Variants in KAZN observed in about 807,000 individuals in gnomAD.
The protein encoded by KAZN is kazrin.
Under a neutral mutation model 87.4 loss-of-function variants are expected in KAZN, and 40 were observed. The ratio of observed to expected loss-of-function variants is 0.46; its 90% CI spans 0.36 to 0.60. The LOEUF is 0.60. Ranked by LOEUF, KAZN falls within the 20% of genes least tolerant of loss-of-function variation. The pLI is 0.00. For synonymous variants in KAZN, 466 were observed against 458.3 expected, an observed-to-expected ratio of 1.02 and a Z score of -0.22; for missense variants, 898 against 1,073.9, an observed-to-expected ratio of 0.84 and a Z score of 2.29.
Position 14,399,348 on chromosome 1 carries a change from A to G in KAZN, c.250-199635A>G, listed in dbSNP as rs1663183817. On this transcript the variant is annotated intron_variant, in intron 2 of 16. Coordinates refer to the KAZN transcript ENST00000636203. ...TGTTTTGATAACAGCTAATTTGTTGATAAATTACTGCTCCTAAATAATCTA... is the reference window on the plus strand; with the variant it reads ...TGTTTTGATAACAGCTAATTTGTTGGTAAATTACTGCTCCTAAATAATCTA... Among the ~76,000 whole-genome samples, 3 of 152,132 alleles carry G rather than the reference A, an allele frequency of 2.0e-5. No individual in the cohort carries two copies. The South Asian group carries it at 6.2e-4, about 32-fold the overall frequency.
intron 1 of KAZN, among the ~76,000 whole-genome samples, chr1:14,916,226 G>C (rs1260108744): frequency 1.5e-5 from 2 of 136,038 alleles, no homozygotes; most frequent in East Asian, 4.5e-4. Flanking sequence ...CTGAAATGCA[G>C]TGGCATGATC....
At chr1:14,143,162 G>A (rs1252133009) in intron 1 of KAZN, among the ~76,000 whole-genome samples, 1 of 152,146 alleles carries the variant, frequency 6.6e-6, no homozygotes, top group South Asian at 2.1e-4. Flanking sequence ...GTTCCTAATT[G>A]TGATGCATCC....
At chr1:14,089,957 G>A (rs551132631) in intron 1 of KAZN, among the ~76,000 whole-genome samples, 183 of 151,484 alleles carry the variant, frequency 1.2e-3, no homozygotes, top group South Asian at 4.4e-3. Context: ...CTTACATAGC[G>A]TGTGATGAGA....
chr1:14,179,101 G>A (rs534016906), intron 1 of KAZN, among the ~76,000 whole-genome samples: 90 of 152,226 alleles, frequency 5.9e-4, no homozygotes, highest in African/African-American at 7.5e-4. Context: ...TTTTCTTGCT[G>A]GTCATGTAGA....
rs192407240 is a variant in KAZN, at chr1:14,072,305, T to G, written c.92-108130T>G. On this transcript the variant is annotated intron_variant, in intron 1 of 16. Coordinates refer to the KAZN transcript ENST00000636203. ...TGTGTTGTGTTTTTGCTTCTCCAAT[T>G]TGCTAGGGCTTTTTCATCTAGGACC... is the stretch of plus-strand genomic sequence containing the variant. 1.7e-3 allele frequency among the ~76,000 whole-genome samples: 254 copies of G among 152,328 alleles called. 1 individual carries two copies. The Middle Eastern group carries it at 0.02, about 12-fold the overall frequency.
At chr1:14,568,207 C>T (rs534351673) in intron 2 of KAZN, among the ~76,000 whole-genome samples, 4 of 152,210 alleles carry the variant, frequency 2.6e-5, no homozygotes, top group East Asian at 3.9e-4. Context: ...CACAAAGCTA[C>T]GATGTGAACT....
At chr1:15,067,142 G>C (rs1639278388) in intron 8 of KAZN, 6 of 985,692 alleles carry the variant, frequency 6.1e-6, no homozygotes, top group Non-Finnish European at 7.2e-6. Flanking sequence ...GGATGCAGGT[G>C]GGCCAGGCAG....
chr1:15,003,779 G>T (rs1360926872), intron 2 of KAZN, among the ~76,000 whole-genome samples: 2 of 152,110 alleles, frequency 1.3e-5, no homozygotes, highest in Non-Finnish European at 2.9e-5. Context: ...ACTCCCTGCA[G>T]TTGGATACTC....
At chr1:14,622,028 C>T (rs1028871072) in intron 1 of KAZN, among the ~76,000 whole-genome samples, 3 of 152,224 alleles carry the variant, frequency 2.0e-5, no homozygotes, top group South Asian at 2.1e-4. Context: ...TTGCACATTG[C>T]AGACAGTCAG....
At chr1:13,958,959 C>T (rs1641652223) in intron 1 of KAZN, among the ~76,000 whole-genome samples, 1 of 152,088 alleles carries the variant, frequency 6.6e-6, no homozygotes, top group Admixed American at 6.5e-5. Flanking sequence ...GTGTGAACAT[C>T]CATCCCACCC....
intron 1 of KAZN, among the ~76,000 whole-genome samples, chr1:14,070,303 CT>C (rs963529096): frequency 1.9e-4 from 29 of 151,816 alleles, no homozygotes; most frequent in African/African-American, 7.0e-4. Context: ...CAAAAACCAC[CT>C]TCTTATTTAT....
At chr1:14,720,343 T>A (rs1219215452) in intron 1 of KAZN, among the ~76,000 whole-genome samples, 1 of 152,214 alleles carries the variant, frequency 6.6e-6, no homozygotes, top group Non-Finnish European at 1.5e-5. Flanking sequence ...CCCAGCAAGA[T>A]CCCAAATACC....
intron 2 of KAZN, among the ~76,000 whole-genome samples, chr1:15,025,898 G>A (rs577214286): frequency 9.7e-4 from 147 of 152,256 alleles, no homozygotes; most frequent in Non-Finnish European, 1.8e-3. Context: ...CAAGGCGGGC[G>A]GATCACTTGA....
intron 1 of KAZN, among the ~76,000 whole-genome samples, chr1:14,839,997 G>T (rs1329115478): frequency 6.6e-6 from 1 of 152,076 alleles, no homozygotes; most frequent in Non-Finnish European, 1.5e-5. Context: ...CCCTCTAGGA[G>T]CTCCAGCCAG....
chr1:14,617,292 G>A lies in KAZN; in HGVS notation c.226+18069G>A, dbSNP rs567111351. 6.6e-5 allele frequency among the ~76,000 whole-genome samples: 10 copies of A among 152,324 alleles called. No individual in the cohort carries two copies. The East Asian group carries it at 7.7e-4, about 12-fold the overall frequency. On this transcript the variant is annotated intron_variant, in intron 1 of 14. Coordinates refer to ENST00000376030, the MANE Select transcript of KAZN (RefSeq NM_201628.3). ...CACAAATTTTTTGGTTTCCCAGTGC[G>A]TATGAAACTTATGTTTACACTACAT...
At chr1:14,907,091 A>C (rs1160412146) in intron 1 of KAZN, among the ~76,000 whole-genome samples, 1 of 151,772 alleles carries the variant, frequency 6.6e-6, no homozygotes, top group African/African-American at 2.4e-5. Flanking sequence ...ACTTCTAATA[A>C]ACTTATTTGT....
rs74905308 is a variant in KAZN at position 14,702,804 on chromosome 1, C to T, written c.226+103581C>T. 3.5e-3 allele frequency among the ~76,000 whole-genome samples: 538 copies of T among 152,208 alleles called. 6 individuals carry two copies. The highest frequency in any genetic ancestry group is 0.013 in the African/African-American group (521 of 41,526). On this transcript the variant is annotated intron_variant, in intron 1 of 14. Coordinates refer to ENST00000376030, the MANE Select transcript of KAZN (RefSeq NM_201628.3). Reference sequence around the variant, plus strand: ...TTTAACGTGTGCCTTTGGTCTGTGCCCACCTTTTAGTATCACCGTCATTTC... The same window carrying T: ...TTTAACGTGTGCCTTTGGTCTGTGCTCACCTTTTAGTATCACCGTCATTTC...
chr1:14,414,285 G>A (rs1201126482), intron 2 of KAZN, among the ~76,000 whole-genome samples: 2 of 148,600 alleles, frequency 1.3e-5, no homozygotes, highest in African/African-American at 5.0e-5. Flanking sequence ...AGACTCCCAC[G>A]AGTTCCCAAA....
At chr1:14,365,352 C>T (rs949050072) in intron 2 of KAZN, among the ~76,000 whole-genome samples, 3 of 84,918 alleles carry the variant, frequency 3.5e-5, no homozygotes, top group Non-Finnish European at 7.5e-5. Flanking sequence ...CCGGCGCCCA[C>T]CCCCTCCCCC....
Sources: gnomAD v4.1 joint callset for allele counts (sites outside exome capture counted in the v4.1 genomes callset) on GRCh38, gnomAD v4.1.1 for gene constraint, MANE v1.5 for transcripts, NCBI Gene and HGNC (gene_info 2026-07-23, HGNC 2026-07-21) for gene names.